The following SGCZ variants were observed in gnomAD, a reference collection of about 807,000 sequenced individuals.
The protein encoded by SGCZ is sarcoglycan zeta, also known as zeta-sarcoglycan.
Under a neutral mutation model 41.3 loss-of-function variants are expected in SGCZ, and 40 were observed. That is an observed-to-expected ratio of 0.97 (90% CI 0.75 to 1.26). The LOEUF (loss-of-function observed/expected upper bound fraction) is 1.26. SGCZ is among the 50% of genes most tolerant of loss of function. SGCZ has a pLI of 0.00. For synonymous variants in SGCZ, 206 were observed against 137.5 expected (o/e 1.50, Z -3.49); for missense variants, 552 against 369.8 (o/e 1.49, Z -4.04).
At chr8:14,591,571 C>G (rs942599786) in intron 1 of SGCZ, among the ~76,000 whole-genome samples, 3 of 151,970 alleles carry the variant, frequency 2.0e-5, no homozygotes, top group Non-Finnish European at 4.4e-5. Context: ...TTTTATTCTT[C>G]AAATTTATTT....
intron 1 of SGCZ, among the ~76,000 whole-genome samples, chr8:14,817,894 G>T (rs1332380978): frequency 6.6e-6 from 1 of 152,146 alleles, no homozygotes; most frequent in Non-Finnish European, 1.5e-5. Context: ...CACTGTGCCT[G>T]CAAACACTCA....
intron 1 of SGCZ, among the ~76,000 whole-genome samples, chr8:14,598,229 T>A (rs929247650): frequency 5.3e-5 from 8 of 151,980 alleles, no homozygotes; most frequent in Admixed American, 1.3e-4. Context: ...TTTTTTTCAT[T>A]TATTTATTAA....
chr8:14,947,013 C>A (rs899742609), intron 1 of SGCZ, among the ~76,000 whole-genome samples: 4 of 152,106 alleles, frequency 2.6e-5, no homozygotes, highest in Non-Finnish European at 5.9e-5. Context: ...ATAAAAGGAA[C>A]TTTTGAGAAG....
intron 2 of SGCZ, among the ~76,000 whole-genome samples, chr8:14,389,896 C>A (rs533913304): frequency 6.6e-6 from 1 of 151,928 alleles, no homozygotes; most frequent in African/African-American, 2.4e-5. Context: ...AAGCACTGAC[C>A]AAGGGTATCA....
At chr8:14,432,604 T>C (rs920456414) in intron 2 of SGCZ, among the ~76,000 whole-genome samples, 2 of 152,034 alleles carry the variant, frequency 1.3e-5, no homozygotes, top group African/African-American at 4.8e-5. Context: ...TGCACCAAAA[T>C]CTCACAAATC....
chr8:14,537,104 G>T (rs1803319715), intron 2 of SGCZ, among the ~76,000 whole-genome samples: 1 of 151,864 alleles, frequency 6.6e-6, no homozygotes. Flanking sequence ...TGAATACCCA[G>T]CAGTATTCAC....
intron 4 of SGCZ, among the ~76,000 whole-genome samples, chr8:14,176,768 G>T (rs771264855): frequency 1.6e-4 from 25 of 152,050 alleles, no homozygotes; most frequent in Admixed American, 1.5e-3. Flanking sequence ...ATTATGGAGA[G>T]TATCTGAGAT....
chr8:15,000,518 A>C (rs1034868818), intron 1 of SGCZ, among the ~76,000 whole-genome samples: 1 of 152,164 alleles, frequency 6.6e-6, no homozygotes, highest in Admixed American at 6.5e-5. Flanking sequence ...GCAGACATAG[A>C]CAAGCAAGCT....
chr8:14,277,130 G>A (rs559572864), intron 3 of SGCZ, among the ~76,000 whole-genome samples: 1 of 152,192 alleles, frequency 6.6e-6, no homozygotes, highest in South Asian at 2.1e-4. Flanking sequence ...AACTATTTCT[G>A]GTTTCCTCTC....
intron 3 of SGCZ, among the ~76,000 whole-genome samples, chr8:14,270,231 C>G (rs1413648484): frequency 1.3e-5 from 2 of 151,990 alleles, no homozygotes; most frequent in Non-Finnish European, 2.9e-5. Context: ...ACTAGGGAGG[C>G]TGAGGCAGGA....
chr8:14,402,789 T>C (rs1275878379), intron 2 of SGCZ, among the ~76,000 whole-genome samples: 2 of 148,440 alleles, frequency 1.3e-5, no homozygotes, highest in Non-Finnish European at 2.9e-5. Flanking sequence ...TTTGGCTCCA[T>C]ATGAACTTTA....
chr8:14,552,628 G>C (rs930926766), intron 2 of SGCZ, among the ~76,000 whole-genome samples: 1 of 151,944 alleles, frequency 6.6e-6, no homozygotes, highest in East Asian at 1.9e-4. Context: ...GGCCAGCTGA[G>C]GTTCAAATTA....
intron 1 of SGCZ, among the ~76,000 whole-genome samples, chr8:14,853,135 A>G (rs759892566): frequency 6.6e-6 from 1 of 152,174 alleles, no homozygotes; most frequent in Non-Finnish European, 1.5e-5. Flanking sequence ...TAAAACTTGT[A>G]CTATTTGCAG....
At chr8:14,665,558 T>C (rs1209543280) in intron 1 of SGCZ, among the ~76,000 whole-genome samples, 3 of 152,206 alleles carry the variant, frequency 2.0e-5, no homozygotes, top group African/African-American at 7.2e-5. Flanking sequence ...ATGGTATTTC[T>C]AAACTCTTAT....
chr8:14,417,643 C>T (rs1016153753), intron 2 of SGCZ, among the ~76,000 whole-genome samples: 4 of 151,534 alleles, frequency 2.6e-5, no homozygotes, highest in African/African-American at 4.8e-5. Flanking sequence ...ATAAAAATAA[C>T]GATACAGCAT....
At chr8:15,025,329 G>A (rs572623521) in intron 1 of SGCZ, among the ~76,000 whole-genome samples, 3 of 152,050 alleles carry the variant, frequency 2.0e-5, no homozygotes, top group Non-Finnish European at 4.4e-5. Flanking sequence ...AGACACATGA[G>A]TTTCAGGCTG....
At chr8:14,462,608 T>C (rs1298810459) in intron 2 of SGCZ, among the ~76,000 whole-genome samples, 1 of 152,056 alleles carries the variant, frequency 6.6e-6, no homozygotes, top group Non-Finnish European at 1.5e-5. Context: ...TACCACACTA[T>C]TGATTACTGT....
intron 1 of SGCZ, among the ~76,000 whole-genome samples, chr8:14,869,162 T>C (rs1271388284): frequency 3.3e-5 from 5 of 152,206 alleles, no homozygotes; most frequent in Admixed American, 6.6e-5. Flanking sequence ...CCAATATCCC[T>C]GATGAACATC....
At chr8:14,830,647 T>A (rs1354712294) in intron 1 of SGCZ, among the ~76,000 whole-genome samples, 1 of 152,188 alleles carries the variant, frequency 6.6e-6, no homozygotes, top group Non-Finnish European at 1.5e-5. Context: ...ACAAAACTAA[T>A]AATTATTTTT....
Sources: gnomAD v4.1 joint callset for allele counts (sites outside exome capture counted in the v4.1 genomes callset) on GRCh38, gnomAD v4.1.1 for gene constraint, MANE v1.5 for transcripts, NCBI Gene and HGNC (gene_info 2026-07-23, HGNC 2026-07-21) for gene names.